SASH1: variants seen among roughly 807,000 people sequenced by gnomAD.
The protein encoded by SASH1 is SAM and SH3 domain-containing protein 1.
SASH1 carries 44 observed loss-of-function variants against 125.2 expected under a neutral mutation model. That is an observed-to-expected ratio of 0.35 (90% CI 0.28 to 0.45). The LOEUF is 0.45. SASH1 is among the 20% of genes least tolerant of loss of function. SASH1 has a pLI of 1.00. For missense variants in SASH1, 1,426 were observed against 1,614.5 expected (o/e 0.88, Z 2.00); for synonymous variants, 639 against 649.1 (o/e 0.98, Z 0.24).
At chr6:148,464,791 A>C (rs187741302) in intron 4 of SASH1, among the ~76,000 whole-genome samples, 15 of 152,262 alleles carry the variant, frequency 9.9e-5, no homozygotes, top group African/African-American at 3.6e-4. Context: ...AAAGGATTGT[A>C]AATTTGATGA....
At chr6:148,354,630 A>G (rs1404042803) in intron 1 of SASH1, among the ~76,000 whole-genome samples, 1 of 152,254 alleles carries the variant, frequency 6.6e-6, no homozygotes, top group Non-Finnish European at 1.5e-5. Flanking sequence ...AAGCCATCAT[A>G]TAACAATGGC....
intron 1 of SASH1, among the ~76,000 whole-genome samples, chr6:148,319,498 A>G (rs1295426782): frequency 3.3e-5 from 5 of 151,918 alleles, no homozygotes; most frequent in Non-Finnish European, 5.9e-5. Context: ...AATATGTATA[A>G]GATTTTTGTT....
intron 1 of SASH1, among the ~76,000 whole-genome samples, chr6:148,277,207 C>A (rs943762509): frequency 6.6e-6 from 1 of 152,214 alleles, no homozygotes; most frequent in African/African-American, 2.4e-5. Flanking sequence ...AATGCACCTG[C>A]AGCTGAGGTG....
the SASH1 span, among the ~76,000 whole-genome samples, chr6:148,218,037 A>G: frequency 1.3e-5 from 2 of 151,738 alleles, no homozygotes; most frequent in African/African-American, 4.8e-5. Context: ...ATAAATAAAA[A>G]AAATGAATCT....
intron 1 of SASH1, among the ~76,000 whole-genome samples, chr6:148,317,948 G>T (rs1342872731): frequency 6.6e-6 from 1 of 152,172 alleles, no homozygotes; most frequent in Non-Finnish European, 1.5e-5. Flanking sequence ...GTTGAGAAAA[G>T]AACCCTTGTC....
intron 11 of SASH1, among the ~76,000 whole-genome samples, chr6:148,526,352 C>T (rs565248602): frequency 1.4e-4 from 21 of 152,180 alleles, no homozygotes; most frequent in African/African-American, 2.6e-4. Flanking sequence ...GTGAGCCACG[C>T]GCCCGGCCTT....
chr6:148,424,893 A>T (rs547059325), intron 2 of SASH1, among the ~76,000 whole-genome samples: 2 of 152,186 alleles, frequency 1.3e-5, no homozygotes, highest in African/African-American at 2.4e-5. Context: ...AAAAATGCAG[A>T]TGAAACTCTT....
At chr6:148,410,426 T>C (rs1784576908) in intron 2 of SASH1, among the ~76,000 whole-genome samples, 3 of 152,040 alleles carry the variant, frequency 2.0e-5, no homozygotes, top group Non-Finnish European at 2.9e-5. Flanking sequence ...TTGGGGCGGC[T>C]GTATGTTTTT....
chr6:148,266,531 T>G, the SASH1 span, among the ~76,000 whole-genome samples: 1 of 152,128 alleles, frequency 6.6e-6, no homozygotes, highest in Non-Finnish European at 1.5e-5. Context: ...AAGGGCCCAA[T>G]GTTAGCTCCT....
chr6:148,496,892 A>T (rs1583255347), intron 8 of SASH1, among the ~76,000 whole-genome samples: 1 of 152,042 alleles, frequency 6.6e-6, no homozygotes, highest in South Asian at 2.1e-4. Context: ...AAAAAAAAAA[A>T]GTAAATTTTT....
At position 148,519,529 on chromosome 6, in the gene SASH1, C is replaced by A. The variant is rs200314589; in HGVS notation, c.863-18C>A. 6.3e-7 allele frequency: 1 copy of A among 1,593,764 alleles called. No individual in the cohort carries two copies. The highest frequency in any genetic ancestry group is 1.1e-5 in the South Asian group (1 of 90,146). On this transcript the variant is annotated intron_variant, in intron 9 of 19. Coordinates refer to ENST00000367467, the MANE Select transcript of SASH1 (RefSeq NM_015278.5). The surrounding 1 kb of genome is among the most constrained non-coding windows in gnomAD (Gnocchi z 4.8). ...TGCAAAGGTGTGTTCACAAGAGACT[C>A]TGTTGGTTTCCCTCCAGGTGGGGAG...
chr6:148,402,406 G>T (rs1012066251), intron 2 of SASH1, among the ~76,000 whole-genome samples: 5 of 152,180 alleles, frequency 3.3e-5, no homozygotes, highest in Admixed American at 3.3e-4. Context: ...TGCCTCCCGG[G>T]TTAAGTGATT....
chr6:148,287,706 G>GAT (rs1779521869), intron 1 of SASH1, among the ~76,000 whole-genome samples: 1 of 55,632 alleles, frequency 1.8e-5, no homozygotes, highest in Non-Finnish European at 3.7e-5. Context: ...GGGGGGTGGG[G>GAT]GGTGGTATTC....
intron 7 of SASH1, chr6:148,480,804 G>A (rs897234770): frequency 6.6e-6 from 1 of 152,414 alleles, no homozygotes; most frequent in Non-Finnish European, 1.5e-5. Context: ...ATTACCGTAA[G>A]CTGAAAAATC....
chr6:148,507,459 C>A (rs549757216), intron 8 of SASH1, among the ~76,000 whole-genome samples: 1 of 152,158 alleles, frequency 6.6e-6, no homozygotes, highest in Non-Finnish European at 1.5e-5. Context: ...CAGCCTCTGC[C>A]TCCCGGACTC....
chr6:148,241,226 G>C, the SASH1 span, among the ~76,000 whole-genome samples: 5 of 152,190 alleles, frequency 3.3e-5, no homozygotes, highest in Non-Finnish European at 7.3e-5. Flanking sequence ...GAAATAGTTG[G>C]AAGAGGCTGG....
At chr6:148,256,258 A>G in the SASH1 span, among the ~76,000 whole-genome samples, 1 of 152,244 alleles carries the variant, frequency 6.6e-6, no homozygotes, top group Non-Finnish European at 1.5e-5. Flanking sequence ...CAACAAAGAT[A>G]TAACTCATCT....
At chr6:148,343,597 C>T (rs1291399801) in intron 1 of SASH1, among the ~76,000 whole-genome samples, 1 of 152,180 alleles carries the variant, frequency 6.6e-6, no homozygotes, top group Non-Finnish European at 1.5e-5. Flanking sequence ...TTTATCTCTT[C>T]ACCATTTGTT....
chr6:148,396,898 T>C (rs1562379122), intron 2 of SASH1, among the ~76,000 whole-genome samples: 1 of 152,200 alleles, frequency 6.6e-6, no homozygotes, highest in African/African-American at 2.4e-5. Flanking sequence ...AAAATTGCTG[T>C]CATCATAAGT....
Sources: gnomAD v4.1 joint callset for allele counts (sites outside exome capture counted in the v4.1 genomes callset) on GRCh38, gnomAD v4.1.1 for gene constraint, Gnocchi (gnomAD v3.1) non-coding constraint, MANE v1.5 for transcripts, NCBI Gene and HGNC (gene_info 2026-07-23, HGNC 2026-07-21) for gene names.